MED4: variants seen among roughly 807,000 people sequenced by gnomAD.
MED4 encodes the protein mediator complex subunit 4.
MED4 carries 21 observed loss-of-function variants against 35.0 expected under a neutral mutation model. The ratio of observed to expected loss-of-function variants is 0.60; its 90% confidence interval spans 0.43 to 0.86. The LOEUF (loss-of-function observed/expected upper bound fraction) is 0.86, where lower values mean the gene tolerates loss of function less well. Among genes scored for constraint, MED4 ranks in the 40% least tolerant of loss-of-function variants. The probability of loss-of-function intolerance (pLI) is 0.00; values close to 1 mark genes in which losing one functional copy is unlikely to be tolerated. For synonymous variants in MED4, 138 were observed against 114.0 expected (o/e 1.21, Z -1.34); for missense variants, 300 against 319.4 (o/e 0.94, Z 0.46).
intron 3 of MED4, among the ~76,000 whole-genome samples, chr13:48,084,265 C>CAAAAAAAAAAAAAAAAAAAAAAAAAAA: frequency 9.1e-6 from 1 of 109,952 alleles, no homozygotes; most frequent in African/African-American, 3.6e-5. Flanking sequence ...GACTCTGTCT[C>CAAAAAAAAAAAAAAAAAAAAAAAAAAA]AAAAAAAAAA....
intron 4 of MED4, 94 bp downstream of exon 4, chr13:48,083,277 G>T: frequency 2.1e-6 from 2 of 954,284 alleles, no homozygotes; most frequent in Non-Finnish European, 3.2e-6. Flanking sequence ...CTTTTCAACA[G>T]CAGCAAATGA....
At chr13:48,080,051 T>G in intron 5 of MED4, 76 bp from the exon 6 acceptor site, 1 of 1,486,766 alleles carries the variant, frequency 6.7e-7, no homozygotes, top group Non-Finnish European at 9.2e-7. Flanking sequence ...GACATACTCA[T>G]TTTCGCTGGT....
chr13:48,085,428 C>T (rs377193735), intron 3 of MED4, among the ~76,000 whole-genome samples: 13 of 152,034 alleles, frequency 8.6e-5, no homozygotes, highest in Non-Finnish European at 1.6e-4. Flanking sequence ...ACTGACCTCG[C>T]GATCCACCTG....
At chr13:48,090,058 G>C (rs989439366) in intron 2 of MED4, among the ~76,000 whole-genome samples, 2 of 152,050 alleles carry the variant, frequency 1.3e-5, no homozygotes, top group Non-Finnish European at 2.9e-5. Flanking sequence ...AGCCTTTCTT[G>C]GTTAATTCAA....
At chr13:48,089,636 C>T (rs571372513) in intron 2 of MED4, among the ~76,000 whole-genome samples, 12 of 152,184 alleles carry the variant, frequency 7.9e-5, no homozygotes, top group African/African-American at 2.9e-4. Context: ...CCTATAGTCC[C>T]AGATACTGGT....
In MED4 at chr13:48,076,485, CAGTT is replaced by C. The variant is rs1352082280; in HGVS notation, c.*650_*653del. On this transcript the variant is annotated 3_prime_UTR_variant, in exon 7 of 7. Coordinates refer to ENST00000258648, the MANE Select transcript of MED4 (RefSeq NM_014166.4). Reference sequence around the variant, plus strand: ...CTATTAATTGTAATAGGTTTCAATTCAGTTAGTCACTCAAGTATTATAAAATGCA... The same window carrying C: ...CTATTAATTGTAATAGGTTTCAATTCAGTCACTCAAGTATTATAAAATGCA... 1.3e-5 allele frequency: 2 copies of C among 151,994 alleles called. No individual in the cohort carries two copies. The highest frequency in any genetic ancestry group is 2.9e-5 in the Non-Finnish European group (2 of 67,992). The allele number at this position is 151,994 out of a possible 1,614,324, so 9.4% of individuals were successfully genotyped here.
At chr13:48,089,632 G>A (rs529476895) in intron 2 of MED4, among the ~76,000 whole-genome samples, 1 of 152,094 alleles carries the variant, frequency 6.6e-6, no homozygotes, top group Non-Finnish European at 1.5e-5. Context: ...CATGCCTATA[G>A]TCCCAGATAC....
In MED4 at chr13:48,077,194, T is replaced by C. The variant is rs1950766731; in HGVS notation, c.758A>G (p.Asp253Gly). Residue 253 changes from aspartate (D) to glycine (G), a missense_variant, in exon 7 of 7, where the codon GAT becomes GGT. Asp to Gly is a moderately conservative substitution (Grantham distance 94). Coordinates refer to ENST00000258648, the MANE Select transcript of MED4 (RefSeq NM_014166.4). ...EPPGHNKENE[D>G]DVEIMSTDSS... ...GTCCGTTGACATAATCTCTACATCA[T>C]CTTCATTTTCTTTATTATGCCCAGG... is the stretch of plus-strand genomic sequence containing the variant. 1 of 1,608,948 alleles carries C rather than the reference T, an allele frequency of 6.2e-7. No individual in the cohort carries two copies. The highest frequency in any genetic ancestry group is 8.5e-7 in the Non-Finnish European group (1 of 1,178,410).
At chr13:48,094,908 G>C in intron 1 of MED4, 46 bp downstream of exon 1, 2 of 1,590,466 alleles carry the variant, frequency 1.3e-6, no homozygotes, top group South Asian at 1.1e-5. Context: ...TCCGGGGTCA[G>C]TCCCCCGGCC....
intron 3 of MED4, 144 bp from the exon 4 acceptor site, chr13:48,083,572 A>T (rs1950826418): frequency 1.7e-6 from 1 of 589,104 alleles, no homozygotes; most frequent in African/African-American, 1.9e-5. Context: ...AATGTTCTGA[A>T]ATACCACTTG....
intron 1 of MED4, chr13:48,093,683 C>A: frequency 2.3e-6 from 1 of 425,596 alleles, no homozygotes; most frequent in Admixed American, 2.9e-5. Flanking sequence ...CCACCACACC[C>A]GGCCCTAATA....
chr13:48,088,582 T>G (rs990968011), intron 2 of MED4, among the ~76,000 whole-genome samples: 2 of 152,208 alleles, frequency 1.3e-5, no homozygotes, highest in Admixed American at 6.5e-5. Context: ...CCCTGACAAC[T>G]TTCAAGAAGT....
chr13:48,084,672 C>A (rs1950836567), intron 3 of MED4, among the ~76,000 whole-genome samples: 1 of 152,112 alleles, frequency 6.6e-6, no homozygotes, highest in Non-Finnish European at 1.5e-5. Context: ...AAAATTAATA[C>A]ACCTGAGACT....
intron 2 of MED4, among the ~76,000 whole-genome samples, chr13:48,087,706 C>CG (rs1593547004): frequency 1.3e-5 from 2 of 151,716 alleles, no homozygotes; most frequent in Admixed American, 6.6e-5. Context: ...AAAAATTAGC[C>CG]GGGGGTGGTG....
Position 48,094,959 on chromosome 13 carries a change from C to T in MED4, c.120G>A (p.Leu40=). 6.2e-7 allele frequency: 1 copy of T among 1,603,238 alleles called. No homozygotes were observed. Among genetic ancestry groups the T allele is most frequent in the Non-Finnish European group, 8.5e-7 (1 of 1,179,694 alleles). The change falls in exon 1 of 7, where the codon CTG becomes CTA. Residue 40 remains leucine, a synonymous_variant. Coordinates refer to ENST00000258648, the MANE Select transcript of MED4 (RefSeq NM_014166.4). ...LLSALEDLEV[L]SRELIEMLAI... ...TCTCAGGCTCGCCGCATTACCTAGA[C>T]AGGACCTCCAAGTCCTCAAGCGCAG...
chr13:48,089,791 T>C (rs897206151), intron 2 of MED4, among the ~76,000 whole-genome samples: 1 of 152,016 alleles, frequency 6.6e-6, no homozygotes, highest in Non-Finnish European at 1.5e-5. Context: ...ATAAAATTTA[T>C]CCTCTTACCT....
chr13:48,085,651 G>A (rs1249495738), intron 3 of MED4, among the ~76,000 whole-genome samples: 4 of 152,248 alleles, frequency 2.6e-5, no homozygotes, highest in African/African-American at 4.8e-5. Context: ...ATGTCTGGTC[G>A]ACATGAGAAT....
rs973970182 is a variant in MED4 at position 48,086,558 on chromosome 13, C to T, written c.193-106G>A. The stretch of plus-strand genomic sequence containing the variant: ...ATTGGCTAGGCTATAAATTTCAACA[C>T]CTTCAAAATTTTATTCCTAATTCTT... On this transcript the variant is annotated intron_variant, in intron 2 of 6. Coordinates refer to ENST00000258648, the MANE Select transcript of MED4 (RefSeq NM_014166.4). 3.2e-6 allele frequency: 3 copies of T among 930,364 alleles called. No individual in the cohort carries two copies. The African/African-American group carries it at 5.1e-5, about 16-fold the overall frequency. 57.6% of individuals were successfully genotyped at this position (930,364 alleles called of 1,614,324 possible). A position where few individuals can be genotyped will look rare whatever the true frequency, so the allele number is the denominator to read the frequency against.
intron 3 of MED4, among the ~76,000 whole-genome samples, chr13:48,084,612 T>C (rs1950836161): frequency 6.6e-6 from 1 of 152,178 alleles, no homozygotes; most frequent in Non-Finnish European, 1.5e-5. Flanking sequence ...TAAGTTTCAA[T>C]AAACAGTAAT....
Sources: allele counts gnomAD v4.1 joint callset (sites outside exome capture counted in the v4.1 genomes callset), GRCh38; gene constraint gnomAD v4.1.1; transcripts MANE v1.5; gene names NCBI Gene and HGNC (gene_info 2026-07-23, HGNC 2026-07-21).